Variants in STPG2 observed in about 807,000 individuals in gnomAD.
STPG2 encodes the protein sperm tail PG-rich repeat containing 2.
Under a neutral mutation model 54.2 loss-of-function variants are expected in STPG2, and 56 were observed. The ratio of observed to expected loss-of-function variants is 1.03; its 90% CI spans 0.83 to 1.29. The LOEUF is 1.29. Among genes scored for constraint, STPG2 ranks in the 50% most tolerant of loss-of-function variants. STPG2 has a pLI of 0.00. For missense variants in STPG2, 596 were observed against 544.9 expected (o/e 1.09, Z -0.93); for synonymous variants, 200 against 181.8 (o/e 1.10, Z -0.81).
Position 97,843,848 on chromosome 4 carries a change from C to T in STPG2, c.1045-2916G>A, listed in dbSNP as rs576400245. Reference sequence around the variant, plus strand: ...AAATTCTACTTGCTCAATACCCATGCAATAACTCACTTAAAACTCAAGCCT... The same window carrying T: ...AAATTCTACTTGCTCAATACCCATGTAATAACTCACTTAAAACTCAAGCCT... On this transcript the variant is annotated intron_variant, in intron 8 of 10. Coordinates refer to ENST00000295268, the MANE Select transcript of STPG2 (RefSeq NM_174952.3). 2.0e-5 allele frequency among the ~76,000 whole-genome samples: 3 copies of T among 151,850 alleles called. No homozygotes were observed. The South Asian group carries it at 6.2e-4, about 31-fold the overall frequency.
intron 9 of STPG2, among the ~76,000 whole-genome samples, chr4:97,771,605 C>T (rs954991594): frequency 7.9e-5 from 12 of 152,220 alleles, no homozygotes; most frequent in South Asian, 2.1e-4. Context: ...ATGGGGTTTC[C>T]GATGCAGGAG....
At chr4:97,678,085 T>C (rs1722909321) in intron 10 of STPG2, among the ~76,000 whole-genome samples, 1 of 151,714 alleles carries the variant, frequency 6.6e-6, no homozygotes, top group Non-Finnish European at 1.5e-5. Context: ...TGTGAACATA[T>C]CAGTAAAAAA....
chr4:97,584,884 C>A (rs1560672637), intron 10 of STPG2, among the ~76,000 whole-genome samples: 2 of 151,126 alleles, frequency 1.3e-5, no homozygotes, highest in African/African-American at 4.9e-5. Context: ...AAATTGCCAA[C>A]AAAAAAAGTC....
intron 8 of STPG2, among the ~76,000 whole-genome samples, chr4:97,856,355 C>G (rs541263268): frequency 1.3e-5 from 2 of 152,134 alleles, no homozygotes; most frequent in Non-Finnish European, 2.9e-5. Flanking sequence ...ATTTGTACTT[C>G]TCCTTAAAAA....
At chr4:97,784,889 T>A (rs1726776980) in intron 9 of STPG2, among the ~76,000 whole-genome samples, 1 of 152,018 alleles carries the variant, frequency 6.6e-6, no homozygotes, top group Non-Finnish European at 1.5e-5. Context: ...TGAGAAGTCT[T>A]ATGAGAATTA....
At chr4:97,967,349 A>G (rs1734142344) in intron 7 of STPG2, among the ~76,000 whole-genome samples, 1 of 152,178 alleles carries the variant, frequency 6.6e-6, no homozygotes, top group African/African-American at 2.4e-5. Flanking sequence ...ATACAGGAGC[A>G]CCCAGATTCA....
intron 9 of STPG2, among the ~76,000 whole-genome samples, chr4:97,753,861 TTTG>T (rs933056613): frequency 5.3e-4 from 81 of 152,058 alleles, no homozygotes; most frequent in African/African-American, 1.7e-3. Flanking sequence ...TTGGGTTGTT[TTTG>T]TTGTTGTTGT....
chr4:97,565,978 G>C (rs1197328169), intron 10 of STPG2, among the ~76,000 whole-genome samples: 1 of 152,160 alleles, frequency 6.6e-6, no homozygotes, highest in African/African-American at 2.4e-5. Context: ...GTCAGACAGG[G>C]ACATTTAAGT....
chr4:97,840,661 T>C (rs1269895926), intron 9 of STPG2, 112 bp downstream of exon 9: 1 of 1,220,410 alleles, frequency 8.2e-7, no homozygotes, highest in East Asian at 2.4e-5. Flanking sequence ...TTGTTATACA[T>C]TATTTTGCTT....
chr4:97,801,617 GA>G (rs1727402504), intron 9 of STPG2, among the ~76,000 whole-genome samples: 1 of 152,126 alleles, frequency 6.6e-6, no homozygotes, highest in Non-Finnish European at 1.5e-5. Context: ...AATTATAGCA[GA>G]AAGTAGCTCA....
intron 3 of STPG2, among the ~76,000 whole-genome samples, chr4:98,110,119 C>T (rs1369328449): frequency 6.6e-6 from 1 of 151,982 alleles, no homozygotes; most frequent in Non-Finnish European, 1.5e-5. Flanking sequence ...TATAGTTTAA[C>T]AATGTGTCAA....
intron 5 of STPG2, among the ~76,000 whole-genome samples, chr4:98,090,508 C>A (rs1444213847): frequency 1.3e-5 from 2 of 151,832 alleles, no homozygotes; most frequent in Non-Finnish European, 2.9e-5. Flanking sequence ...CAGATTTGTT[C>A]TTTTTGCTTA....
chr4:97,590,642 C>T (rs371881453), intron 10 of STPG2, among the ~76,000 whole-genome samples: 1 of 146,680 alleles, frequency 6.8e-6, no homozygotes, highest in Non-Finnish European at 1.5e-5. Context: ...CACACAGACA[C>T]ACACACACAC....
chr4:98,133,324 TG>T (rs1740051198), intron 2 of STPG2, among the ~76,000 whole-genome samples: 1 of 152,072 alleles, frequency 6.6e-6, no homozygotes, highest in South Asian at 2.1e-4. Context: ...GGCATTTGAT[TG>T]ATCAGCTAAG....
At chr4:97,902,054 G>A (rs978834020) in intron 8 of STPG2, among the ~76,000 whole-genome samples, 1 of 151,978 alleles carries the variant, frequency 6.6e-6, no homozygotes, top group African/African-American at 2.4e-5. Context: ...GAATGATATA[G>A]AAAGGATATT....
At chr4:97,712,047 T>C (rs1044014616) in intron 10 of STPG2, among the ~76,000 whole-genome samples, 8 of 152,166 alleles carry the variant, frequency 5.3e-5, no homozygotes, top group African/African-American at 1.7e-4. Context: ...AAAAAGAACA[T>C]TCATTTTGGT....
chr4:98,002,444 A>G (rs1426671), intron 5 of STPG2, among the ~76,000 whole-genome samples: 9,328 of 152,130 alleles, frequency 0.061, 314 homozygotes, highest in Middle Eastern at 0.095. Context: ...AAAGAAGTAT[A>G]CGGAGGATGG....
At chr4:98,050,124 A>G (rs1737272081) in intron 5 of STPG2, among the ~76,000 whole-genome samples, 1 of 152,200 alleles carries the variant, frequency 6.6e-6, no homozygotes, top group Non-Finnish European at 1.5e-5. Context: ...GATTCTGATT[A>G]AAACAAAATT....
chr4:97,868,140 TC>T, intron 8 of STPG2, among the ~76,000 whole-genome samples: 1 of 152,102 alleles, frequency 6.6e-6, no homozygotes, highest in East Asian at 1.9e-4. Flanking sequence ...TGTTCGTTTT[TC>T]ATAGTGTCTT....
Sources: allele counts gnomAD v4.1 joint callset (sites outside exome capture counted in the v4.1 genomes callset), GRCh38; gene constraint gnomAD v4.1.1; transcripts MANE v1.5; gene names NCBI Gene and HGNC (gene_info 2026-07-23, HGNC 2026-07-21).